Variants in GALNT18 observed in about 807,000 individuals in gnomAD.
The protein encoded by GALNT18 is GalNAc-transferase 18.
In GALNT18, 44 loss-of-function variants were observed where a neutral mutation model predicts 69.5. That is an observed-to-expected ratio of 0.63 (90% CI 0.50 to 0.81). The LOEUF (loss-of-function observed/expected upper bound fraction) is 0.81. Ranked by LOEUF, GALNT18 falls within the 40% of genes least tolerant of loss-of-function variation. The probability of loss-of-function intolerance (pLI) is 0.00; values close to 1 mark genes in which losing one functional copy is unlikely to be tolerated. For synonymous variants in GALNT18, 364 were observed against 318.2 expected (o/e 1.14, Z -1.53); for missense variants, 715 against 810.0 (o/e 0.88, Z 1.42).
At position 11,430,137 on chromosome 11, in the gene GALNT18, A is replaced by T. The variant is rs576118952; in HGVS notation, c.595+2484T>A. 7.2e-5 allele frequency among the ~76,000 whole-genome samples: 11 copies of T among 152,304 alleles called. No homozygotes were observed. The highest frequency in any genetic ancestry group is 2.6e-4 in the African/African-American group (11 of 41,570). On this transcript the variant is annotated intron_variant, in intron 3 of 10. Transcript: ENST00000227756. The surrounding 1 kb of genome is among the most constrained non-coding windows in gnomAD (Gnocchi z 4.9). Reference sequence around the variant, plus strand: ...CAGAGCAAGACCCTGTCTCAAAAAAAACCAAAATAAAAAAAAGAATGCTTT... The same window carrying T: ...CAGAGCAAGACCCTGTCTCAAAAAATACCAAAATAAAAAAAAGAATGCTTT...
intron 6 of GALNT18, among the ~76,000 whole-genome samples, chr11:11,344,485 C>T (rs1328683648): frequency 6.6e-6 from 1 of 152,340 alleles, no homozygotes; most frequent in East Asian, 1.9e-4. Context: ...AAACTTGTCA[C>T]CAAATTGTCC....
At chr11:11,535,097 A>T (rs796500102) in intron 1 of GALNT18, among the ~76,000 whole-genome samples, 5 of 152,364 alleles carry the variant, frequency 3.3e-5, no homozygotes, top group African/African-American at 1.2e-4. Context: ...GCTTCATCAG[A>T]TCCCTTCCAA....
rs868678247 is a variant in GALNT18, at chr11:11,606,628, G to A, written c.235+14731C>T. On this transcript the variant is annotated intron_variant, in intron 1 of 10. Transcript: ENST00000227756. The surrounding 1 kb of genome is among the most constrained non-coding windows in gnomAD (Gnocchi z 5.4). ...GTCAGGCTCTGGTCAGCAGGCCAGG[G>A]AGAGGAGATCCCATCCAAGGGAGAC... Among the ~76,000 whole-genome samples, 37 of 152,300 alleles carry A rather than the reference G, an allele frequency of 2.4e-4. No homozygotes were observed. The highest frequency in any genetic ancestry group is 3.4e-3 in the Middle Eastern group (1 of 294).
rs1440907573 is a variant in GALNT18, at chr11:11,563,813, CAG to C, written c.235+57544_235+57545del. 2.0e-5 allele frequency among the ~76,000 whole-genome samples: 3 copies of C among 152,290 alleles called. No homozygotes were observed. Among genetic ancestry groups the C allele is most frequent in the East Asian group, 1.9e-4 (1 of 5,176 alleles). On this transcript the variant is annotated intron_variant, in intron 1 of 10. Coordinates refer to ENST00000227756, the MANE Select transcript of GALNT18 (RefSeq NM_198516.3). The surrounding 1 kb of genome is among the most constrained non-coding windows in gnomAD (Gnocchi z 4.6). ...TTTTCTATCCAGAACTATAAATATC[CAG>C]AGAGAGGGAGACGAGATGAGAAAAC...
Position 11,293,033 on chromosome 11 carries a change from G to C in GALNT18, c.1673C>G (p.Ser558Cys), listed in dbSNP as rs781557639. ...CCCGGGCTCTGGGGCTGTTACCTGAGAGAACTGCCAGTGAAGCTTCATCCT... is the reference window on the plus strand; with the variant it reads ...CCCGGGCTCTGGGGCTGTTACCTGACAGAACTGCCAGTGAAGCTTCATCCT... ...AKRMKLHWQF[S>C]QGGPIQNRKS... Residue 558 changes from serine (S) to cysteine (C), a missense_variant, in exon 10 of 11, where the codon TCT becomes TGT. Ser to Cys is a moderately radical substitution (Grantham distance 112, BLOSUM62 -1). Transcript: ENST00000227756. The C allele has an allele frequency of 1.5e-6, 2 of 1,373,460 alleles. No individual in the cohort carries two copies. The highest frequency in any genetic ancestry group is 1.9e-6 in the Non-Finnish European group (2 of 1,053,946). 85.1% of individuals were successfully genotyped at this position (1,373,460 alleles called of 1,614,324 possible).
intron 1 of GALNT18, among the ~76,000 whole-genome samples, chr11:11,482,019 C>A (rs1388193444): frequency 3.3e-5 from 5 of 152,326 alleles, no homozygotes; most frequent in African/African-American, 9.6e-5. Flanking sequence ...TCTAGCCACA[C>A]TGAATTATGA....
At position 11,582,121 on chromosome 11, in the gene GALNT18, G is replaced by A. The variant is rs1233646596; in HGVS notation, c.235+39238C>T. On this transcript the variant is annotated intron_variant, in intron 1 of 10. Coordinates refer to ENST00000227756, the MANE Select transcript of GALNT18 (RefSeq NM_198516.3). This position sits in a 1 kb window ranked among gnomAD's most constrained non-coding sequence, Gnocchi z 5.0. ...TGGGCTGCTAGGGAAAGCCTCCCTG[G>A]AGAGGTGACATATGGGGAAGAGGGC... Among the ~76,000 whole-genome samples the A allele has an allele frequency of 6.6e-6, 1 of 152,044 alleles. No individual in the cohort carries two copies. Among genetic ancestry groups the A allele is most frequent in the Non-Finnish European group, 1.5e-5 (1 of 67,994 alleles).
chr11:11,278,224 A>AC (rs2132980643), intron 10 of GALNT18, among the ~76,000 whole-genome samples: 1 of 151,410 alleles, frequency 6.6e-6, no homozygotes, highest in Admixed American at 6.6e-5. Flanking sequence ...AGACTTTAAC[A>AC]CCCCACCTTT....
rs1853804680 is a variant in GALNT18 at position 11,377,738 on chromosome 11, A to C, written c.780-359T>G. 1.3e-5 allele frequency among the ~76,000 whole-genome samples: 2 copies of C among 152,326 alleles called. No individual in the cohort carries two copies. The highest frequency in any genetic ancestry group is 6.8e-3 in the Middle Eastern group (2 of 294). On this transcript the variant is annotated intron_variant, in intron 4 of 10. Coordinates refer to ENST00000227756, the MANE Select transcript of GALNT18 (RefSeq NM_198516.3). This position sits in a 1 kb window ranked among gnomAD's most constrained non-coding sequence, Gnocchi z 4.6. ...AGAAACAGATCTGAGGCTCCAGAAAAAGCTTTCACCTTGGGCTTTGATTTT... is the reference window on the plus strand; with the variant it reads ...AGAAACAGATCTGAGGCTCCAGAAACAGCTTTCACCTTGGGCTTTGATTTT...
Position 11,603,481 on chromosome 11 carries a change from A to T in GALNT18, c.235+17878T>A, listed in dbSNP as rs1447746776. On this transcript the variant is annotated intron_variant, in intron 1 of 10. Transcript: ENST00000227756. This position sits in a 1 kb window ranked among gnomAD's most constrained non-coding sequence, Gnocchi z 4.5. ...AATCAAACTTTGAAGTCTGCAAGGA[A>T]ATCCAGTTTTGAAATGATACACAGC... 1.3e-5 allele frequency among the ~76,000 whole-genome samples: 2 copies of T among 152,168 alleles called. No individual in the cohort carries two copies. The highest frequency in any genetic ancestry group is 2.9e-5 in the Non-Finnish European group (2 of 68,050).
rs1479845891 is a variant in GALNT18 at position 11,598,667 on chromosome 11, C to G, written c.235+22692G>C. Among the ~76,000 whole-genome samples the G allele has an allele frequency of 1.3e-5, 2 of 152,082 alleles. No individual in the cohort carries two copies. The highest frequency in any genetic ancestry group is 2.1e-4 in the South Asian group (1 of 4,818). On this transcript the variant is annotated intron_variant, in intron 1 of 10. Coordinates refer to ENST00000227756, the MANE Select transcript of GALNT18 (RefSeq NM_198516.3). This position sits in a 1 kb window ranked among gnomAD's most constrained non-coding sequence, Gnocchi z 4.8. Reference sequence around the variant, plus strand: ...GGAACATGGATATCTTTTGGAGAAACTTTTGTCAACCTATCACAGCTAGGT... The same window carrying G: ...GGAACATGGATATCTTTTGGAGAAAGTTTTGTCAACCTATCACAGCTAGGT...
In GALNT18 at chr11:11,430,619, C is replaced by T. The variant is rs928624920; in HGVS notation, c.595+2002G>A. 6.6e-6 allele frequency among the ~76,000 whole-genome samples: 1 copy of T among 152,216 alleles called. No individual in the cohort carries two copies. Among genetic ancestry groups the T allele is most frequent in the Non-Finnish European group, 1.5e-5 (1 of 68,034 alleles). On this transcript the variant is annotated intron_variant, in intron 3 of 10. Transcript: ENST00000227756. The surrounding 1 kb of genome is among the most constrained non-coding windows in gnomAD (Gnocchi z 4.9). ...AGGGCATTGCTCCTGCTGCCTGCCT[C>T]TTCTGGGGCAATGCATTGCCATCCT...
intron 1 of GALNT18, among the ~76,000 whole-genome samples, chr11:11,467,070 C>T (rs988936962): frequency 2.0e-5 from 3 of 152,178 alleles, no homozygotes; most frequent in Non-Finnish European, 2.9e-5. Context: ...GCAGTATGTG[C>T]GGAGGAGAAC....
At chr11:11,514,430 G>A (rs1431196795) in intron 1 of GALNT18, among the ~76,000 whole-genome samples, 1 of 152,182 alleles carries the variant, frequency 6.6e-6, no homozygotes, top group Non-Finnish European at 1.5e-5. Context: ...AATGACAATG[G>A]ATGGCAGGCC....
chr11:11,493,015 C>A (rs1856803326), intron 1 of GALNT18, among the ~76,000 whole-genome samples: 1 of 152,216 alleles, frequency 6.6e-6, no homozygotes, highest in South Asian at 2.1e-4. Flanking sequence ...GTAATCCCAG[C>A]ACTTTGGGAG....
rs1035881331 is a variant in GALNT18, at chr11:11,430,920, C to T, written c.595+1701G>A. On this transcript the variant is annotated intron_variant, in intron 3 of 10. Coordinates refer to ENST00000227756, the MANE Select transcript of GALNT18 (RefSeq NM_198516.3). The surrounding 1 kb of genome is among the most constrained non-coding windows in gnomAD (Gnocchi z 4.9). ...TTGCCCAACTCTGACCCCATCATTCCTCTGACCAAAAGCTTTAGATAGTTA... is the reference window on the plus strand; with the variant it reads ...TTGCCCAACTCTGACCCCATCATTCTTCTGACCAAAAGCTTTAGATAGTTA... Among the ~76,000 whole-genome samples, 1 of 152,168 alleles carries T rather than the reference C, an allele frequency of 6.6e-6. No homozygotes were observed. Among genetic ancestry groups the T allele is most frequent in the African/African-American group, 2.4e-5 (1 of 41,436 alleles).
In GALNT18 at chr11:11,584,442, G is replaced by A. The variant is rs570936420; in HGVS notation, c.235+36917C>T. Among the ~76,000 whole-genome samples, 31 of 152,288 alleles carry A rather than the reference G, an allele frequency of 2.0e-4. No individual in the cohort carries two copies. Among genetic ancestry groups the A allele is most frequent in the Non-Finnish European group, 3.7e-4 (25 of 68,028 alleles). ...ATGGGAGATGCCGTAAGAGAAATGGGTTCCTATTCTCCAGTGCATTTCAAC... is the reference window on the plus strand; with the variant it reads ...ATGGGAGATGCCGTAAGAGAAATGGATTCCTATTCTCCAGTGCATTTCAAC... On this transcript the variant is annotated intron_variant, in intron 1 of 10. Coordinates refer to ENST00000227756, the MANE Select transcript of GALNT18 (RefSeq NM_198516.3). The surrounding 1 kb of genome is among the most constrained non-coding windows in gnomAD (Gnocchi z 4.1).
chr11:11,305,035 A>C (rs894734420), intron 9 of GALNT18, among the ~76,000 whole-genome samples: 2 of 152,228 alleles, frequency 1.3e-5, no homozygotes, highest in African/African-American at 4.8e-5. Flanking sequence ...GGGTACTGCC[A>C]AGCCTTAAAA....
At position 11,340,911 on chromosome 11, in the gene GALNT18, C is replaced by T. The variant is rs115125023; in HGVS notation, c.1186G>A (p.Ala396Thr). The change falls in exon 7 of 11, where the codon GCC becomes ACC. Residue 396 changes from alanine (A) to threonine (T), a missense_variant. By Grantham distance (58) the Ala-to-Thr change is moderately conservative. Transcript: ENST00000227756. The surrounding 1 kb of genome is among the most constrained non-coding windows in gnomAD (Gnocchi z 4.2). ...CTGAGAGCGTTCCTGCGGACATGGG[C>T]GGTGAGGTCCTCTGTGTAGGGCTTG... is the stretch of plus-strand genomic sequence containing the variant. ...AHKPYTEDLT[A>T]HVRRNALRVA... The T allele has an allele frequency of 4.0e-4, 651 of 1,614,048 alleles. 6 individuals carry two copies. In the East Asian group the frequency reaches 7.9e-3, roughly 20 times the overall value.
Sources: allele counts gnomAD v4.1 joint callset (sites outside exome capture counted in the v4.1 genomes callset), GRCh38; gene constraint gnomAD v4.1.1; non-coding constraint Gnocchi (gnomAD v3.1); transcripts MANE v1.5; gene names NCBI Gene and HGNC (gene_info 2026-07-23, HGNC 2026-07-21).